MROH1: variants seen among roughly 807,000 people sequenced by gnomAD.
The protein encoded by MROH1 is maestro heat-like repeat-containing protein family member 1.
MROH1 carries 117 observed loss-of-function variants against 116.5 expected under a neutral mutation model. The observed-to-expected ratio is 1.00, with a 90% CI of 0.86 to 1.17. MROH1 has a LOEUF of 1.17. Ranked by LOEUF, MROH1 falls within the 50% of genes most tolerant of loss-of-function variation. The pLI, the probability that MROH1 is intolerant of heterozygous loss-of-function variation, is 0.00. For synonymous variants in MROH1, 921 were observed against 583.9 expected (o/e 1.58, Z -8.32); for missense variants, 1,873 against 1,338.5 (o/e 1.40, Z -6.23).
chr8:144,212,336 C>G (rs141602894), intron 12 of MROH1, among the ~76,000 whole-genome samples: 2 of 151,994 alleles, frequency 1.3e-5, no homozygotes, highest in Non-Finnish European at 2.9e-5. Context: ...CCACTTGCCT[C>G]GGCCTCCCAA....
intron 29 of MROH1, among the ~76,000 whole-genome samples, chr8:144,246,065 C>CTCCTTCCTTTCCTTCCTT (rs1262040590): frequency 7.2e-5 from 9 of 125,710 alleles, no homozygotes; most frequent in South Asian, 2.8e-4. Flanking sequence ...CCCTCCCTTC[C>CTCCTTCCTTTCCTTCCTT]TCCTTCCTTT....
intron 14 of MROH1, among the ~76,000 whole-genome samples, chr8:144,233,698 A>G (rs922827982): frequency 3.9e-5 from 6 of 152,210 alleles, no homozygotes; most frequent in Admixed American, 2.0e-4. Context: ...AGGGCTCAAT[A>G]TTCCCTGTGT....
chr8:144,240,249 A>T, intron 19 of MROH1, 96 bp downstream of exon 19: 1 of 649,224 alleles, frequency 1.5e-6, no homozygotes, highest in African/African-American at 1.8e-5. Context: ...CCTCGACCTC[A>T]CCTCGTGGTT....
At chr8:144,202,631 G>C (rs1481910162) in intron 12 of MROH1, among the ~76,000 whole-genome samples, 35 of 58,008 alleles carry the variant, frequency 6.0e-4, no homozygotes, top group African/African-American at 1.1e-3. Flanking sequence ...GGGGTGGGGA[G>C]GGGAGCGCAG....
At chr8:144,205,251 G>A (rs969263253) in intron 12 of MROH1, among the ~76,000 whole-genome samples, 1 of 152,178 alleles carries the variant, frequency 6.6e-6, no homozygotes, top group East Asian at 1.9e-4. Context: ...GCCGTGGTTG[G>A]TCCCTGCATG....
chr8:144,249,691 G>A (rs1321086041), intron 32 of MROH1, among the ~76,000 whole-genome samples: 4 of 126,150 alleles, frequency 3.2e-5, no homozygotes, highest in Admixed American at 7.4e-5. Flanking sequence ...CAGGACAGTC[G>A]CAAACTCACA....
chr8:144,240,290 A>G (rs1840745192), intron 19 of MROH1, 137 bp downstream of exon 19: 6 of 634,476 alleles, frequency 9.5e-6, no homozygotes, highest in Non-Finnish European at 2.9e-6. Flanking sequence ...AGGCAGCATC[A>G]AGGCTGAAGA....
intron 10 of MROH1, among the ~76,000 whole-genome samples, chr8:144,197,569 G>A (rs980627975): frequency 1.8e-4 from 27 of 149,916 alleles, no homozygotes; most frequent in African/African-American, 6.4e-4. Flanking sequence ...CCGAGTAGCT[G>A]GGACTACAGG....
chr8:144,191,968 G>A, intron 9 of MROH1, 113 bp downstream of exon 9: 1 of 1,280,188 alleles, frequency 7.8e-7, no homozygotes, highest in Non-Finnish European at 1.1e-6. Context: ...GTGGCCCTGA[G>A]TTCTCTGCTA....
intron 10 of MROH1, among the ~76,000 whole-genome samples, chr8:144,194,545 A>G (rs1829382667): frequency 6.6e-6 from 1 of 152,176 alleles, no homozygotes; most frequent in Admixed American, 6.5e-5. Flanking sequence ...TAGGGAAACA[A>G]AAGAACCAGG....
At chr8:144,170,981 TAC>T (rs1822283166) in intron 4 of MROH1, among the ~76,000 whole-genome samples, 2 of 152,244 alleles carry the variant, frequency 1.3e-5, no homozygotes, top group Admixed American at 1.3e-4. Flanking sequence ...TCTCTGCTCT[TAC>T]ACCACGCAAC....
intron 14 of MROH1, among the ~76,000 whole-genome samples, chr8:144,225,664 G>T (rs990041677): frequency 1.3e-5 from 2 of 151,982 alleles, no homozygotes; most frequent in African/African-American, 2.4e-5. Context: ...CGATTCTCCT[G>T]CCTCAGTCTC....
intron 1 of MROH1, among the ~76,000 whole-genome samples, chr8:144,155,628 A>T (rs1817845420): frequency 2.0e-5 from 3 of 147,736 alleles, no homozygotes; most frequent in African/African-American, 5.0e-5. Context: ...GGTTTTTCTT[A>T]GGTGTTTTTC....
In MROH1 at chr8:144,200,495, C is replaced by A. The variant is rs928435118; in HGVS notation, c.1095C>A (p.Thr365=). Residue 365 remains threonine (T), a synonymous_variant, in exon 12 of 44, where the codon ACC becomes ACA. Transcript: ENST00000326134. ...LPRLDTSNER[T]RVGTLQVVRH... ...GGCTGGACACCAGCAATGAGAGGAC[C>A]CGCGTGGGCACCCTGCAGGTGGTCA... The A allele has an allele frequency of 1.3e-6, 2 of 1,552,054 alleles. No individual in the cohort carries two copies. Among genetic ancestry groups the A allele is most frequent in the Middle Eastern group, 1.8e-4 (1 of 5,640 alleles).
At chr8:144,155,336 T>C (rs972146473) in intron 1 of MROH1, among the ~76,000 whole-genome samples, 5 of 152,308 alleles carry the variant, frequency 3.3e-5, no homozygotes, top group Admixed American at 6.5e-5. Context: ...CATATATATT[T>C]TGATAAATTT....
intron 12 of MROH1, among the ~76,000 whole-genome samples, chr8:144,204,617 T>G (rs553752963): frequency 2.0e-5 from 3 of 152,310 alleles, no homozygotes; most frequent in African/African-American, 7.2e-5. Context: ...TAGAAGATAG[T>G]GTTGCTGTTT....
intron 19 of MROH1, 59 bp downstream of exon 19, chr8:144,240,212 C>T (rs1382007587): frequency 1.8e-5 from 13 of 706,470 alleles, no homozygotes; most frequent in Non-Finnish European, 3.4e-5. Context: ...CTGGGGGGTG[C>T]TGGGGTGGCA....
At chr8:144,194,846 T>C (rs953714772) in intron 10 of MROH1, among the ~76,000 whole-genome samples, 2 of 151,880 alleles carry the variant, frequency 1.3e-5, no homozygotes, top group African/African-American at 4.8e-5. Context: ...AAGTTGAGGC[T>C]GCAGTGAGCC....
rs1024730457 is a variant in MROH1, at chr8:144,205,244, G to A, written c.1141+4703G>A. 5.1e-4 allele frequency among the ~76,000 whole-genome samples: 78 copies of A among 152,206 alleles called. 1 individual carries two copies. The highest frequency in any genetic ancestry group is 7.2e-5 in the African/African-American group (3 of 41,450). On this transcript the variant is annotated intron_variant, in intron 12 of 43. Transcript: ENST00000326134. ...TGGAACATGATTGCAAGTTGAGGCC[G>A]TGGTTGGTCCCTGCATGTCATTCTT...
Sources: gnomAD v4.1 joint callset for allele counts (sites outside exome capture counted in the v4.1 genomes callset) on GRCh38, gnomAD v4.1.1 for gene constraint, MANE v1.5 for transcripts, NCBI Gene and HGNC (gene_info 2026-07-23, HGNC 2026-07-21) for gene names.